ADGRE1: variants seen among roughly 807,000 people sequenced by gnomAD.
ADGRE1 encodes the protein adhesion G protein-coupled receptor E1.
In ADGRE1, 82 loss-of-function variants were observed where a neutral mutation model predicts 102.7. The observed-to-expected ratio is 0.80, with a 90% CI of 0.67 to 0.96. The LOEUF (loss-of-function observed/expected upper bound fraction) is 0.96, where lower values mean the gene tolerates loss of function less well. Ranked by LOEUF, ADGRE1 falls within the 40% of genes least tolerant of loss-of-function variation. The probability of loss-of-function intolerance (pLI) is 0.00; values close to 1 mark genes in which losing one functional copy is unlikely to be tolerated. For synonymous variants in ADGRE1, 398 were observed against 399.6 expected (o/e 1.00, Z 0.05); for missense variants, 1,032 against 1,085.3 (o/e 0.95, Z 0.69).
At chr19:6,900,311 CA>C (rs11334158) in intron 5 of ADGRE1, among the ~76,000 whole-genome samples, 28,244 of 114,574 alleles carry the variant, frequency 0.25, 2,917 homozygotes, top group African/African-American at 0.31. Flanking sequence ...CCTGTCTCTA[CA>C]AAAAAAAAAA....
chr19:6,923,977 A>C (rs1452782263), intron 14 of ADGRE1, among the ~76,000 whole-genome samples: 1 of 151,602 alleles, frequency 6.6e-6, no homozygotes, highest in Non-Finnish European at 1.5e-5. Context: ...AATAAATGGC[A>C]TAGAAGAAGG....
chr19:6,932,110 G>A lies in ADGRE1; in HGVS notation c.2290-2877G>A, dbSNP rs570338361. Among the ~76,000 whole-genome samples, 75 of 152,278 alleles carry A rather than the reference G, an allele frequency of 4.9e-4. 3 individuals are homozygous for A. In the South Asian group the frequency reaches 0.014, roughly 28 times the overall value. On this transcript the variant is annotated intron_variant, in intron 17 of 20. Transcript: ENST00000312053. ...GTTGGATGGGCAAGCCCTAGGGTCT[G>A]AAGAAGGTGTAGAGTCCACCAAATA...
At chr19:6,928,337 C>CT (rs770106546) in intron 17 of ADGRE1, 126 bp downstream of exon 17, 6 of 1,569,314 alleles carry the variant, frequency 3.8e-6, no homozygotes, top group Middle Eastern at 1.8e-4. Flanking sequence ...AAAAGTTCTC[C>CT]TTTCCAGGCC....
chr19:6,926,286 G>T (rs1290546666), intron 15 of ADGRE1, 80 bp from the exon 16 acceptor site: 2 of 1,476,846 alleles, frequency 1.4e-6, no homozygotes, highest in South Asian at 1.2e-5. Flanking sequence ...ATTTCCAGCC[G>T]AGGAGTCTCT....
intron 9 of ADGRE1, among the ~76,000 whole-genome samples, chr19:6,908,473 T>G (rs1469198714): frequency 6.6e-6 from 1 of 152,146 alleles, no homozygotes; most frequent in Non-Finnish European, 1.5e-5. Context: ...TTGCTATTTG[T>G]TTATGTTTGC....
At chr19:6,928,790 T>C (rs989534389) in intron 17 of ADGRE1, among the ~76,000 whole-genome samples, 1 of 151,844 alleles carries the variant, frequency 6.6e-6, no homozygotes, top group Non-Finnish European at 1.5e-5. Flanking sequence ...CAAAATTAGC[T>C]GGGTGTGTTG....
chr19:6,890,678 C>A, intron 2 of ADGRE1, 135 bp downstream of exon 2: 1 of 835,218 alleles, frequency 1.2e-6, no homozygotes, highest in Non-Finnish European at 1.9e-6. Context: ...GGTTAACATG[C>A]AAGTCTCCTG....
chr19:6,905,080 C>G (rs892881270), intron 8 of ADGRE1, among the ~76,000 whole-genome samples: 4 of 152,054 alleles, frequency 2.6e-5, no homozygotes, highest in African/African-American at 9.7e-5. Context: ...GATGCAGTGA[C>G]ATACCTATAA....
chr19:6,924,290 A>T (rs1194062186), intron 14 of ADGRE1, among the ~76,000 whole-genome samples: 1 of 152,024 alleles, frequency 6.6e-6, no homozygotes, highest in Non-Finnish European at 1.5e-5. Context: ...GGACAGTTGA[A>T]ATGTGGAATT....
chr19:6,917,492 A>G (rs1167391675), intron 12 of ADGRE1, among the ~76,000 whole-genome samples: 1 of 152,046 alleles, frequency 6.6e-6, no homozygotes, highest in Non-Finnish European at 1.5e-5. Flanking sequence ...TAATCCCAAC[A>G]CTTTGGGAGG....
chr19:6,903,218 A>T (rs1263639259), intron 6 of ADGRE1, among the ~76,000 whole-genome samples: 1 of 152,174 alleles, frequency 6.6e-6, no homozygotes, highest in Non-Finnish European at 1.5e-5. Flanking sequence ...TGCCATAGAA[A>T]GGGGCAGTAA....
Position 6,913,693 on chromosome 19 carries a change from C to T in ADGRE1, c.1163C>T (p.Ser388Phe). The T allele has an allele frequency of 3.1e-6, 5 of 1,611,836 alleles. No individual in the cohort carries two copies. The highest frequency in any genetic ancestry group is 4.2e-6 in the Non-Finnish European group (5 of 1,178,700). Residue 388 changes from serine (S) to phenylalanine (F), a missense_variant, in exon 11 of 21, where the codon TCC becomes TTC. By Grantham distance (155) the Ser-to-Phe change is radical. Transcript: ENST00000312053. The stretch of plus-strand genomic sequence containing the variant: ...TTTGTCCCTGTGCTTAAACAAATAT[C>T]CACGTGGACTAAATTCACCAAGGAA... ...ESFVPVLKQI[S>F]TWTKFTKEET...
chr19:6,934,770 T>C (rs991497781), intron 17 of ADGRE1, among the ~76,000 whole-genome samples: 6 of 151,310 alleles, frequency 4.0e-5, no homozygotes, highest in Non-Finnish European at 5.9e-5. Flanking sequence ...GCTAATTTTT[T>C]TTTTTTTTTT....
intron 20 of ADGRE1, 51 bp from the exon 21 acceptor site, chr19:6,939,973 T>C: frequency 6.2e-7 from 1 of 1,606,196 alleles, no homozygotes; most frequent in Non-Finnish European, 8.5e-7. Flanking sequence ...TGGAATCACG[T>C]TTGTATTAAT....
At chr19:6,938,801 CTTTTTTTT>C (rs558698686) in intron 20 of ADGRE1, among the ~76,000 whole-genome samples, 1 of 137,802 alleles carries the variant, frequency 7.3e-6, no homozygotes, top group South Asian at 2.3e-4. Context: ...TTCTTTTTTT[CTTTTTTTT>C]TTTTGAGATG....
At chr19:6,937,150 G>T in intron 18 of ADGRE1, 93 bp from the exon 19 acceptor site, 1 of 1,430,716 alleles carries the variant, frequency 7.0e-7, no homozygotes, top group Non-Finnish European at 9.5e-7. Context: ...TGGCAAATTG[G>T]AGAGTGGCCA....
At chr19:6,921,091 G>A (rs1181652625) in intron 13 of ADGRE1, among the ~76,000 whole-genome samples, 2 of 152,240 alleles carry the variant, frequency 1.3e-5, no homozygotes, top group East Asian at 3.9e-4. Context: ...TTCGAGACCA[G>A]CCTGGCCAAT....
intron 17 of ADGRE1, among the ~76,000 whole-genome samples, chr19:6,929,705 G>C (rs10402952): frequency 2.0e-4 from 31 of 152,024 alleles, no homozygotes; most frequent in African/African-American, 7.5e-4. Context: ...ATTTTTAATA[G>C]AGATGGGTTT....
At chr19:6,935,118 T>A (rs1356931388) in intron 18 of ADGRE1, 40 bp downstream of exon 18, 4 of 1,487,648 alleles carry the variant, frequency 2.7e-6, no homozygotes, top group Non-Finnish European at 3.6e-6. Context: ...TTTAATTTCC[T>A]CTTTCTTCTT....
Sources: gnomAD v4.1 joint callset for allele counts (sites outside exome capture counted in the v4.1 genomes callset) on GRCh38, gnomAD v4.1.1 for gene constraint, MANE v1.5 for transcripts, NCBI Gene and HGNC (gene_info 2026-07-23, HGNC 2026-07-21) for gene names.